GSC2: variants seen among roughly 807,000 people sequenced by gnomAD.
GSC2 encodes the protein homeobox protein goosecoid-2.
In GSC2, 12 loss-of-function variants were observed where a neutral mutation model predicts 11.3. The ratio of observed to expected loss-of-function variants is 1.06; its 90% CI spans 0.68 to 1.72. The LOEUF (loss-of-function observed/expected upper bound fraction) is 1.72. Ranked by LOEUF, GSC2 falls within the 40% of genes most tolerant of loss-of-function variation. The probability of loss-of-function intolerance (pLI) is 0.00; values close to 1 mark genes in which losing one functional copy is unlikely to be tolerated. For missense variants in GSC2, 310 were observed against 235.7 expected, an observed-to-expected ratio of 1.32 and a Z score of -2.06; for synonymous variants, 148 against 110.0, an observed-to-expected ratio of 1.35 and a Z score of -2.16.
chr22:19,147,840 CCCTGCAGGG>C lies in GSC2; in HGVS notation c.*1142_*1150del, dbSNP rs2083800973. On this transcript the variant is annotated 3_prime_UTR_variant, in exon 3 of 3. Transcript: ENST00000086933. ...CTCTTGCAGGTAGAATGGCCCCATT[CCCTGCAGGG>C]CCTGTAAGGAGACAGAACGAGGTGC... Among the ~76,000 whole-genome samples the C allele has an allele frequency of 6.6e-6, 1 of 152,116 alleles. No homozygotes were observed. The highest frequency in any genetic ancestry group is 2.1e-4 in the South Asian group (1 of 4,824).
At position 19,147,484 on chromosome 22, in the gene GSC2, A is replaced by C. The variant is rs1440510518; in HGVS notation, c.*1507T>G. On this transcript the variant is annotated 3_prime_UTR_variant, in exon 3 of 3. Coordinates refer to ENST00000086933, the MANE Select transcript of GSC2 (RefSeq NM_005315.2). ...ACAAGCTCTGATCGGGGCTCCCAAA[A>C]CAATGACAGATGGCCATTCAACCAA... Among the ~76,000 whole-genome samples, 4 of 152,134 alleles carry C rather than the reference A, an allele frequency of 2.6e-5. No individual in the cohort carries two copies. The highest frequency in any genetic ancestry group is 9.7e-5 in the African/African-American group (4 of 41,404).
rs1166750884 is a variant in GSC2, at chr22:19,150,041, C to G, written c.243G>C (p.Glu81Asp). The stretch of plus-strand genomic sequence containing the variant: ...CCCACTCACCCAGCCCGGCGGCCGC[C>G]TCTGGGGGCCCGCAGGGCGCCGCGC... Reference protein sequence around the residue: ...GPRAAPCGPPEAAAGLGARLA... With the variant: ...GPRAAPCGPPDAAAGLGARLA... Residue 81 changes from glutamate to aspartate, a missense_variant, in exon 1 of 3, where the codon GAG (glutamate) becomes GAC (aspartate). Glu to Asp is a conservative substitution (Grantham distance 45, BLOSUM62 2). Coordinates refer to ENST00000086933, the MANE Select transcript of GSC2 (RefSeq NM_005315.2). The G allele has an allele frequency of 2.0e-6, 2 of 1,011,630 alleles. No individual in the cohort carries two copies. Among genetic ancestry groups the G allele is most frequent in the Non-Finnish European group, 2.4e-6 (2 of 849,090 alleles). 62.7% of individuals were successfully genotyped at this position (1,011,630 alleles called of 1,614,324 possible).
chr22:19,149,942 G>T, intron 1 of GSC2, 26 bp from the exon 2 acceptor site: 1 of 1,307,246 alleles, frequency 7.6e-7, no homozygotes, highest in Non-Finnish European at 9.7e-7. Context: ...GCGGTGAGGC[G>T]CGGGGCTGGG....
Position 19,150,262 on chromosome 22 carries a change from C to CGCCCCAAGCCGCTGCCGCCAT in GSC2, c.21_22insATGGCGGCAGCGGCTTGGGGC (p.Gly7_Ala8insMetAlaAlaAlaAlaTrpGly), listed in dbSNP as rs2083822167. The CGCCCCAAGCCGCTGCCGCCAT allele has an allele frequency of 9.8e-6, 2 of 203,704 alleles. No individual in the cohort carries two copies. Among genetic ancestry groups the CGCCCCAAGCCGCTGCCGCCAT allele is most frequent in the African/African-American group, 4.8e-5 (2 of 41,838 alleles). 12.6% of individuals were successfully genotyped at this position (203,704 alleles called of 1,614,324 possible). Reference sequence around the variant, plus strand: ...CGCCCGGCACCCCGGCGGCTCGCCGCGCCCCCAGCCGCTGCCGCCATGCCC... The same window carrying CGCCCCAAGCCGCTGCCGCCAT: ...CGCCCGGCACCCCGGCGGCTCGCCGCGCCCCAAGCCGCTGCCGCCATGCCCCCAGCCGCTGCCGCCATGCCC... On this transcript the variant is annotated inframe_insertion, in exon 1 of 3. Transcript: ENST00000086933.
Position 19,149,093 on chromosome 22 carries a change from G to C in GSC2, c.516C>G (p.Val172=). ...RIRLREERVE[V]WFKNRRAKWR... is the part of the protein sequence containing the mutation. Reference sequence around the variant, plus strand: ...ATTTGGCCCGGCGGTTCTTGAACCAGACCTGGGGATGGGGGGAATGCTCAG... The same window carrying C: ...ATTTGGCCCGGCGGTTCTTGAACCACACCTGGGGATGGGGGGAATGCTCAG... The change falls in exon 3 of 3, where the codon GTC becomes GTG. Residue 172 remains valine, a splice_region_variant and synonymous_variant. Transcript: ENST00000086933. 6.4e-7 allele frequency: 1 copy of C among 1,572,842 alleles called. No individual in the cohort carries two copies. Among genetic ancestry groups the C allele is most frequent in the Non-Finnish European group, 8.7e-7 (1 of 1,155,572 alleles).
rs1390814345 is a variant in GSC2 at position 19,150,227 on chromosome 22, G to C, written c.57C>G (p.Pro19=). ...ASRRGAGRPC[P]FSIEHILSSL... The stretch of plus-strand genomic sequence containing the variant: ...TGGAGAGGATGTGCTCGATGGAGAA[G>C]GGGCAGGGCCGCCCGGCACCCCGGC... The change falls in exon 1 of 3, where the codon CCC becomes CCG. Residue 19 remains proline, a synonymous_variant. Coordinates refer to ENST00000086933, the MANE Select transcript of GSC2 (RefSeq NM_005315.2). 9.4e-6 allele frequency: 3 copies of C among 319,982 alleles called. No individual in the cohort carries two copies. The Admixed American group carries it at 1.4e-4, about 15-fold the overall frequency. 19.8% of individuals were successfully genotyped at this position (319,982 alleles called of 1,614,324 possible). A position where few individuals can be genotyped will look rare whatever the true frequency, so the allele number is the denominator to read the frequency against.
At position 19,149,079 on chromosome 22, in the gene GSC2, C is replaced by A. The variant is rs868977302; in HGVS notation, c.530G>T (p.Arg177Leu). The change falls in exon 3 of 3, where the codon CGC (arginine) becomes CTC (leucine). Residue 177 changes from arginine to leucine, a missense_variant. Transcript: ENST00000086933. ...CTTCTGGTGTCGCCATTTGGCCCGG[C>A]GGTTCTTGAACCAGACCTGGGGATG... ...EERVEVWFKN[R>L]RAKWRHQKRA... 8.2e-6 allele frequency: 13 copies of A among 1,588,740 alleles called. No individual in the cohort carries two copies. The highest frequency in any genetic ancestry group is 1.8e-5 in the Admixed American group (1 of 56,828).
chr22:19,148,712 A>C lies in GSC2; in HGVS notation c.*279T>G, dbSNP rs2146120042. 3 of 424,146 alleles carry C rather than the reference A, an allele frequency of 7.1e-6. No homozygotes were observed. The allele number at this position is 424,146 out of a possible 1,614,324, so 26.3% of individuals were successfully genotyped here. A position where few individuals can be genotyped will look rare whatever the true frequency, so the allele number is the denominator to read the frequency against. On this transcript the variant is annotated 3_prime_UTR_variant, in exon 3 of 3. Coordinates refer to ENST00000086933, the MANE Select transcript of GSC2 (RefSeq NM_005315.2). ...CGGGGTGGTTCCCCTCCTGCGGTGGAGTTAGTGTCTCTCGGGGGGTAGGGA... is the reference window on the plus strand; with the variant it reads ...CGGGGTGGTTCCCCTCCTGCGGTGGCGTTAGTGTCTCTCGGGGGGTAGGGA...
Position 19,149,715 on chromosome 22 carries a change from C to T in GSC2, c.461G>A (p.Ser154Asn). The change falls in exon 2 of 3, where the codon AGT becomes AAT. Residue 154 changes from serine (S) to asparagine (N), a missense_variant. Coordinates refer to ENST00000086933, the MANE Select transcript of GSC2 (RefSeq NM_005315.2). The stretch of plus-strand genomic sequence containing the variant: ...GCGGCCGGCCAGGCGCTCGCGCGTA[C>T]TCACGTCAGGATACTGGTTCTGCAC... ...LFVQNQYPDV[S>N]TRERLAGRIR... is the part of the protein sequence containing the mutation. 6.3e-7 allele frequency: 1 copy of T among 1,584,366 alleles called. No individual in the cohort carries two copies. Among genetic ancestry groups the T allele is most frequent in the African/African-American group, 1.4e-5 (1 of 72,022 alleles).
chr22:19,149,400 G>C (rs12628464), intron 2 of GSC2, among the ~76,000 whole-genome samples: 46,796 of 152,218 alleles, frequency 0.31, 7,740 homozygotes, highest in East Asian at 0.45. Context: ...CGTGAACGCG[G>C]GCCTCTTTCG....
At position 19,150,110 on chromosome 22, in the gene GSC2, C is replaced by T. The variant is rs1327437024; in HGVS notation, c.174G>A (p.Ala58=). 2 of 1,000,554 alleles carry T rather than the reference C, an allele frequency of 2.0e-6. No homozygotes were observed. The highest frequency in any genetic ancestry group is 9.4e-5 in the East Asian group (1 of 10,642). The allele number at this position is 1,000,554 out of a possible 1,614,324, so 62.0% of individuals were successfully genotyped here. A position where few individuals can be genotyped will look rare whatever the true frequency, so the allele number is the denominator to read the frequency against. The change falls in exon 1 of 3, where the codon GCG becomes GCA. Residue 58 remains alanine (A), a synonymous_variant. Coordinates refer to ENST00000086933, the MANE Select transcript of GSC2 (RefSeq NM_005315.2). ...AGCAGGCGCAGGGCGCAGCCTCGGG[C>T]GCCCCGGGCTCCTCTGGCTTCGCGG... is the stretch of plus-strand genomic sequence containing the variant. ...QSPAKPEEPG[A]PEAAPCACCC...
rs2083799334 is a variant in GSC2 at position 19,147,570 on chromosome 22, T to A, written c.*1421A>T. ...TGTCCCCAGCTGCAAGGGAGCTGAC[T>A]GGGACACGGGCATGTCCACAGGTAG... On this transcript the variant is annotated 3_prime_UTR_variant, in exon 3 of 3. Coordinates refer to ENST00000086933, the MANE Select transcript of GSC2 (RefSeq NM_005315.2). Among the ~76,000 whole-genome samples the A allele has an allele frequency of 6.6e-6, 1 of 152,172 alleles. No homozygotes were observed. The highest frequency in any genetic ancestry group is 6.5e-5 in the Admixed American group (1 of 15,282).
Position 19,149,796 on chromosome 22 carries a change from C to T in GSC2, c.380G>A (p.Arg127Lys). The T allele has an allele frequency of 1.9e-6, 3 of 1,584,098 alleles. No individual in the cohort carries two copies. Among genetic ancestry groups the T allele is most frequent in the Non-Finnish European group, 1.7e-6 (2 of 1,167,932 alleles). The change falls in exon 2 of 3, where the codon AGG (arginine) becomes AAG (lysine). Residue 127 changes from arginine to lysine, a missense_variant. By Grantham distance (26) the Arg-to-Lys change is conservative (BLOSUM62 2). Transcript: ENST00000086933. ...AVGPGSQRRT[R>K]RHRTIFSEEQ... ...TTCGCTGAAGATGGTGCGGTGGCGC[C>T]TCGTGCGCCGCTGCGAACCCGGGCC... is the stretch of plus-strand genomic sequence containing the variant.
chr22:19,149,923 A>T lies in GSC2; in HGVS notation c.260-7T>A. On this transcript the variant is annotated splice_polypyrimidine_tract_variant and splice_region_variant and intron_variant, in intron 1 of 2. Transcript: ENST00000086933. ...GGCCACGCCAGACGAGCGCCTGCGG[A>T]GCGAGGGCGCGGTGAGGCGCGGGGC... 1 of 1,324,614 alleles carries T rather than the reference A, an allele frequency of 7.5e-7. No individual in the cohort carries two copies. The highest frequency in any genetic ancestry group is 9.6e-7 in the Non-Finnish European group (1 of 1,042,596). The allele number at this position is 1,324,614 out of a possible 1,614,324, so 82.1% of individuals were successfully genotyped here. A position where few individuals can be genotyped will look rare whatever the true frequency, so the allele number is the denominator to read the frequency against.
In GSC2 at chr22:19,149,720, G is replaced by A; in HGVS notation, c.456C>T (p.Asp152=). Residue 152 remains aspartate, a synonymous_variant, in exon 2 of 3, where the codon GAC becomes GAT. Coordinates refer to ENST00000086933, the MANE Select transcript of GSC2 (RefSeq NM_005315.2). ...CGGCCAGGCGCTCGCGCGTACTCACGTCAGGATACTGGTTCTGCACGAAAA... is the reference window on the plus strand; with the variant it reads ...CGGCCAGGCGCTCGCGCGTACTCACATCAGGATACTGGTTCTGCACGAAAA... ...EALFVQNQYP[D]VSTRERLAGR... is the part of the protein sequence containing the mutation. 1.9e-6 allele frequency: 3 copies of A among 1,588,570 alleles called. No homozygotes were observed. The highest frequency in any genetic ancestry group is 2.6e-6 in the Non-Finnish European group (3 of 1,169,884).
Position 19,149,868 on chromosome 22 carries a change from G to A in GSC2, c.308C>T (p.Ser103Phe), listed in dbSNP as rs782659778. 23 of 1,483,278 alleles carry A rather than the reference G, an allele frequency of 1.6e-5. No homozygotes were observed. Among genetic ancestry groups the A allele is most frequent in the South Asian group, 1.4e-4 (11 of 77,996 alleles). The allele number at this position is 1,483,278 out of a possible 1,614,324, so 91.9% of individuals were successfully genotyped here. A position where few individuals can be genotyped will look rare whatever the true frequency, so the allele number is the denominator to read the frequency against. ...PLRLGPAVPL[S>F]LGAPAGGSGA... ...GGAACCTCCGGCTGGCGCACCCAGAGACAAGGGCACCGCCGGTCCCAGCCT... is the reference window on the plus strand; with the variant it reads ...GGAACCTCCGGCTGGCGCACCCAGAAACAAGGGCACCGCCGGTCCCAGCCT... Residue 103 changes from serine (S) to phenylalanine (F), a missense_variant, in exon 2 of 3, where the codon TCT becomes TTT. Transcript: ENST00000086933.
intron 2 of GSC2, among the ~76,000 whole-genome samples, chr22:19,149,302 C>T (rs2083812017): frequency 6.6e-6 from 1 of 152,230 alleles, no homozygotes; most frequent in African/African-American, 2.4e-5. Context: ...ATGGGAACCC[C>T]CTTAGTACCC....
At position 19,149,896 on chromosome 22, in the gene GSC2, G is replaced by A; in HGVS notation, c.280C>T (p.Leu94=). Residue 94 remains leucine, a synonymous_variant, in exon 2 of 3, where the codon CTG becomes TTG. Transcript: ENST00000086933. ...AGLGARLAWP[L]RLGPAVPLSL... is the part of the protein sequence containing the mutation. ...AAGGGCACCGCCGGTCCCAGCCTCA[G>A]CGGCCACGCCAGACGAGCGCCTGCG... is the stretch of plus-strand genomic sequence containing the variant. 2.2e-6 allele frequency: 3 copies of A among 1,392,808 alleles called. No individual in the cohort carries two copies. The highest frequency in any genetic ancestry group is 2.8e-6 in the Non-Finnish European group (3 of 1,081,022). The allele number at this position is 1,392,808 out of a possible 1,614,324, so 86.3% of individuals were successfully genotyped here.
Position 19,150,162 on chromosome 22 carries a change from G to A in GSC2, c.122C>T (p.Pro41Leu). 1 of 769,942 alleles carries A rather than the reference G, an allele frequency of 1.3e-6. No individual in the cohort carries two copies. The highest frequency in any genetic ancestry group is 1.6e-6 in the Non-Finnish European group (1 of 620,964). The allele number at this position is 769,942 out of a possible 1,614,324, so 47.7% of individuals were successfully genotyped here. Residue 41 changes from proline to leucine, a missense_variant, in exon 1 of 3, where the codon CCA becomes CTA. Physicochemically the swap from Pro to Leu is moderately conservative, Grantham distance 98 (BLOSUM62 -3). Coordinates refer to ENST00000086933, the MANE Select transcript of GSC2 (RefSeq NM_005315.2). ...GCTCTGGCGACCGGCGGGCTGCGGT[G>A]GGCAGGCGGCCCGGGCCGGGAGGCT... The part of the protein sequence containing the change: ...ERSLPARAAC[P>L]PQPAGRQSPA...
Sources: allele counts gnomAD v4.1 joint callset (sites outside exome capture counted in the v4.1 genomes callset), GRCh38; gene constraint gnomAD v4.1.1; transcripts MANE v1.5; gene names NCBI Gene and HGNC (gene_info 2026-07-23, HGNC 2026-07-21).